Variants in RGS9 observed in about 807,000 individuals in gnomAD.
The protein encoded by RGS9 is regulator of G-protein signalling 9.
In RGS9, 78 loss-of-function variants were observed where a neutral mutation model predicts 102.0. The observed-to-expected ratio is 0.76, with a 90% CI of 0.64 to 0.92. The LOEUF is 0.92. Among genes scored for constraint, RGS9 ranks in the 40% least tolerant of loss-of-function variants. RGS9 has a pLI of 0.00. For synonymous variants in RGS9, 353 were observed against 318.6 expected, an observed-to-expected ratio of 1.11 and a Z score of -1.15; for missense variants, 833 against 866.1, an observed-to-expected ratio of 0.96 and a Z score of 0.48.
chr17:65,142,574 C>CTTTTTTTTTTTTTTTTTTTTTTTTT (rs745663576), intron 1 of RGS9, among the ~76,000 whole-genome samples: 1 of 137,784 alleles, frequency 7.3e-6, no homozygotes, highest in African/African-American at 2.7e-5. Context: ...CCCTTCCTTT[C>CTTTTTTTTTTTTTTTTTTTTTTTTT]TTTTTTTTTT....
At chr17:65,176,409 T>A (rs1156700551) in intron 8 of RGS9, among the ~76,000 whole-genome samples, 1 of 152,236 alleles carries the variant, frequency 6.6e-6, no homozygotes, top group East Asian at 1.9e-4. Context: ...GATTCTTCTC[T>A]GTTTCTTAGA....
chr17:65,167,667 G>A (rs756527773), intron 7 of RGS9, among the ~76,000 whole-genome samples: 27 of 152,186 alleles, frequency 1.8e-4, no homozygotes, highest in African/African-American at 6.0e-4. Flanking sequence ...CTGACCAGAC[G>A]TTGACTATGT....
intron 7 of RGS9, among the ~76,000 whole-genome samples, chr17:65,165,001 A>T (rs1911123725): frequency 6.6e-6 from 1 of 152,142 alleles, no homozygotes; most frequent in African/African-American, 2.4e-5. Context: ...GGCTGATATT[A>T]CTTAATTCCA....
intron 13 of RGS9, among the ~76,000 whole-genome samples, 176 bp from the exon 14 acceptor site, chr17:65,201,817 A>T (rs573135221): frequency 5.9e-5 from 9 of 152,322 alleles, no homozygotes; most frequent in South Asian, 4.1e-4. Context: ...CCTTTCCCCA[A>T]GGAGTATTGT....
In RGS9 at chr17:65,197,124, A is replaced by C. The variant is rs2144080315; in HGVS notation, c.861-2A>C. The C allele has an allele frequency of 6.2e-7, 1 of 1,608,856 alleles. No individual in the cohort carries two copies. Among genetic ancestry groups the C allele is most frequent in the Non-Finnish European group, 8.5e-7 (1 of 1,175,802 alleles). ...TGGTGCATTTACAAATCATCCTTGC[A>C]GGGTGGAAATCCCAACCAAGATGCG... is the stretch of plus-strand genomic sequence containing the variant. On this transcript the variant is annotated splice_acceptor_variant, in intron 12 of 18. Coordinates refer to ENST00000262406, the MANE Select transcript of RGS9 (RefSeq NM_003835.4). LOFTEE classifies it high-confidence loss of function.
chr17:65,168,921 G>A (rs557149614), intron 8 of RGS9, among the ~76,000 whole-genome samples: 1 of 152,304 alleles, frequency 6.6e-6, no homozygotes, highest in East Asian at 1.9e-4. Flanking sequence ...GCACACAGAA[G>A]TGGGGTCTGA....
intron 1 of RGS9, among the ~76,000 whole-genome samples, chr17:65,153,191 T>A (rs1222937258): frequency 6.6e-6 from 1 of 152,188 alleles, no homozygotes; most frequent in Non-Finnish European, 1.5e-5. Flanking sequence ...AATCTCCCAG[T>A]CAGGATGAAT....
intron 15 of RGS9, 42 bp from the exon 16 acceptor site, chr17:65,207,880 T>G (rs1314437977): frequency 1.2e-5 from 17 of 1,463,124 alleles, no homozygotes; most frequent in Non-Finnish European, 1.5e-5. Flanking sequence ...ATTTGACTGC[T>G]TTTTTCTCTC....
chr17:65,189,437 AT>A, intron 10 of RGS9, 122 bp downstream of exon 10: 1 of 797,404 alleles, frequency 1.3e-6, no homozygotes. Context: ...TCAAACAATT[AT>A]TTCCAAATTC....
intron 17 of RGS9, among the ~76,000 whole-genome samples, chr17:65,217,480 C>A (rs1203169242): frequency 6.6e-6 from 1 of 152,164 alleles, no homozygotes; most frequent in Non-Finnish European, 1.5e-5. Context: ...AAGGAAATCA[C>A]TGGGGATTTT....
chr17:65,196,859 A>G (rs1912607924), intron 12 of RGS9, among the ~76,000 whole-genome samples: 1 of 152,234 alleles, frequency 6.6e-6, no homozygotes, highest in Non-Finnish European at 1.5e-5. Context: ...CTTAAGGTTA[A>G]GTGAGCAGGA....
intron 17 of RGS9, among the ~76,000 whole-genome samples, chr17:65,214,938 C>T (rs1280241939): frequency 6.6e-6 from 1 of 152,218 alleles, no homozygotes; most frequent in South Asian, 2.1e-4. Flanking sequence ...TCTGCTCATA[C>T]CTCTGTCTGT....
intron 13 of RGS9, 64 bp downstream of exon 13, chr17:65,197,305 T>A: frequency 9.4e-7 from 1 of 1,068,444 alleles, no homozygotes. Flanking sequence ...CTTTAATGTC[T>A]AGCCTAGGGT....
chr17:65,175,752 G>A (rs780227944), intron 8 of RGS9, among the ~76,000 whole-genome samples: 2 of 152,098 alleles, frequency 1.3e-5, no homozygotes, highest in East Asian at 1.9e-4. Context: ...TCCCTGTGTC[G>A]TCTTGTCTGC....
chr17:65,139,068 C>CTT (rs1239629104), intron 1 of RGS9, among the ~76,000 whole-genome samples: 2 of 148,244 alleles, frequency 1.3e-5, no homozygotes, highest in Non-Finnish European at 3.0e-5. Context: ...ACCTCTCCCT[C>CTT]CTCCATTCCA....
chr17:65,227,536 A>G lies in RGS9; in HGVS notation c.*129A>G. On this transcript the variant is annotated 3_prime_UTR_variant, in exon 19 of 19. Coordinates refer to ENST00000262406, the MANE Select transcript of RGS9 (RefSeq NM_003835.4). ...TGGGTGACATTTGAAGATTGGGGAG[A>G]CAAGATGGGGTAGATTGTGGCAAAG... 7.8e-7 allele frequency: 1 copy of G among 1,286,038 alleles called. No individual in the cohort carries two copies. Among genetic ancestry groups the G allele is most frequent in the Non-Finnish European group, 1.1e-6 (1 of 917,118 alleles). The allele number at this position is 1,286,038 out of a possible 1,614,324, so 79.7% of individuals were successfully genotyped here. A position where few individuals can be genotyped will look rare whatever the true frequency, so the allele number is the denominator to read the frequency against.
At chr17:65,137,980 AGT>A (rs558925835) in intron 1 of RGS9, among the ~76,000 whole-genome samples, 3 of 151,908 alleles carry the variant, frequency 2.0e-5, no homozygotes, top group Non-Finnish European at 2.9e-5. Context: ...ACTATTTTAA[AGT>A]GTGTGTGTGT....
At chr17:65,184,082 G>A (rs544430130) in intron 9 of RGS9, among the ~76,000 whole-genome samples, 24 of 152,332 alleles carry the variant, frequency 1.6e-4, no homozygotes, top group African/African-American at 5.3e-4. Flanking sequence ...CAGGAGGGCC[G>A]GCAGCTGAGA....
intron 11 of RGS9, 26 bp from the exon 12 acceptor site, chr17:65,193,517 G>A (rs1420865861): frequency 6.8e-7 from 1 of 1,468,058 alleles, no homozygotes; most frequent in Non-Finnish European, 9.6e-7. Flanking sequence ...GAGCTTCTAG[G>A]AAATCATTTT....
Sources: allele counts gnomAD v4.1 joint callset (sites outside exome capture counted in the v4.1 genomes callset), GRCh38; gene constraint gnomAD v4.1.1; transcripts MANE v1.5; gene names NCBI Gene and HGNC (gene_info 2026-07-23, HGNC 2026-07-21).